Variants in NSUN6 observed in about 807,000 individuals in gnomAD.
NSUN6 encodes tRNA (cytosine(72)-C(5))-methyltransferase NSUN6.
Under a neutral mutation model 58.0 loss-of-function variants are expected in NSUN6, and 64 were observed. The observed-to-expected ratio is 1.10, with a 90% confidence interval of 0.90 to 1.36. The LOEUF is 1.36. NSUN6 is among the 40% of genes most tolerant of loss of function. The pLI is 0.00. For synonymous variants in NSUN6, 231 were observed against 193.9 expected, an observed-to-expected ratio of 1.19 and a Z score of -1.59; for missense variants, 701 against 550.1, an observed-to-expected ratio of 1.27 and a Z score of -2.74.
At position 18,587,138 on chromosome 10, in the gene NSUN6, T is replaced by C. The variant is rs2057186130; in HGVS notation, c.778-1045A>G. The stretch of plus-strand genomic sequence containing the variant: ...CAACAAAACTCAACACCAAAAGTAT[T>C]TGCAATCTTCGAAAGACACTTAAAA... On this transcript the variant is annotated intron_variant, in intron 7 of 10. Transcript: ENST00000377304. Among the ~76,000 whole-genome samples the C allele has an allele frequency of 2.0e-5, 3 of 152,190 alleles. No individual in the cohort carries two copies. The South Asian group carries it at 6.2e-4, about 32-fold the overall frequency.
intron 5 of NSUN6, among the ~76,000 whole-genome samples, chr10:18,612,276 A>T (rs2058264534): frequency 6.6e-6 from 1 of 152,096 alleles, no homozygotes; most frequent in Non-Finnish European, 1.5e-5. Context: ...TTAAAATATC[A>T]GCTGATCATG....
At position 18,546,035 on chromosome 10, in the gene NSUN6, C is replaced by A; in HGVS notation, c.1308G>T (p.Met436Ile). ...CTCTTCTGGCCTCTCTAAGAGAGTCCATGTCAGTGTCCGGTAATGGCACAG... is the reference window on the plus strand; with the variant it reads ...CTCTTCTGGCCTCTCTAAGAGAGTCAATGTCAGTGTCCGGTAATGGCACAG... Reference protein sequence around the residue: ...PSAVPLPDTDMDSLREARRED... With the variant: ...PSAVPLPDTDIDSLREARRED... Residue 436 changes from methionine to isoleucine, a missense_variant, in exon 11 of 11, where the codon ATG (methionine) becomes ATT (isoleucine). By Grantham distance (10) the Met-to-Ile change is conservative. Coordinates refer to ENST00000377304, the MANE Select transcript of NSUN6 (RefSeq NM_182543.5). 6.2e-7 allele frequency: 1 copy of A among 1,600,298 alleles called. No individual in the cohort carries two copies. The highest frequency in any genetic ancestry group is 1.8e-5 in the Admixed American group (1 of 56,670).
intron 8 of NSUN6, among the ~76,000 whole-genome samples, chr10:18,580,964 A>C (rs1741025946): frequency 6.6e-6 from 1 of 152,206 alleles, no homozygotes; most frequent in African/African-American, 2.4e-5. Context: ...TAAATGAAAG[A>C]AAGTAAAGTA....
intron 3 of NSUN6, among the ~76,000 whole-genome samples, chr10:18,638,964 A>AC (rs1378144077): frequency 4.6e-5 from 7 of 151,072 alleles, no homozygotes; most frequent in African/African-American, 1.5e-4. Context: ...AAAAAAAAAA[A>AC]AAAAAACTGG....
intron 3 of NSUN6, among the ~76,000 whole-genome samples, chr10:18,636,208 C>T (rs2059209310): frequency 1.3e-5 from 2 of 151,732 alleles, no homozygotes; most frequent in South Asian, 2.1e-4. Context: ...GCAGGGGGTG[C>T]GGGAGATCTG....
At chr10:18,584,187 G>A (rs1296206931) in intron 8 of NSUN6, among the ~76,000 whole-genome samples, 3 of 152,182 alleles carry the variant, frequency 2.0e-5, no homozygotes, top group Non-Finnish European at 2.9e-5. Context: ...TCGAAATCAT[G>A]CCTGCTTGGC....
At chr10:18,633,941 C>G (rs1234860913) in intron 3 of NSUN6, among the ~76,000 whole-genome samples, 3 of 152,226 alleles carry the variant, frequency 2.0e-5, no homozygotes, top group African/African-American at 4.8e-5. Flanking sequence ...ACCAGGACTA[C>G]AGATGAGCCA....
At chr10:18,575,867 CT>C (rs1307106694) in intron 8 of NSUN6, among the ~76,000 whole-genome samples, 1 of 152,198 alleles carries the variant, frequency 6.6e-6, no homozygotes, top group East Asian at 1.9e-4. Flanking sequence ...ACTTTCTCTT[CT>C]CTTAAAACTA....
chr10:18,599,730 C>G (rs2057732027), intron 6 of NSUN6, among the ~76,000 whole-genome samples: 1 of 152,186 alleles, frequency 6.6e-6, no homozygotes, highest in Admixed American at 6.5e-5. Flanking sequence ...TTATTGAATG[C>G]TCCCTAGATT....
At chr10:18,600,445 T>C (rs1440715265) in intron 6 of NSUN6, among the ~76,000 whole-genome samples, 3 of 151,982 alleles carry the variant, frequency 2.0e-5, no homozygotes, top group Non-Finnish European at 2.9e-5. Context: ...GGCAACATAG[T>C]GAGACCTCAT....
intron 3 of NSUN6, among the ~76,000 whole-genome samples, chr10:18,632,153 G>A (rs2059054114): frequency 6.6e-6 from 1 of 151,970 alleles, no homozygotes; most frequent in African/African-American, 2.4e-5. Context: ...AAGCAATGGG[G>A]AAAGGATTCC....
At chr10:18,655,185 G>A (rs1158617633), upstream of NSUN6, 4 of 975,948 alleles carry the variant, frequency 4.1e-6, no homozygotes, top group African/African-American at 7.0e-5. Context: ...CCTAAGAAAG[G>A]AACAAACAAC....
chr10:18,569,348 C>G (rs991868928), intron 8 of NSUN6, among the ~76,000 whole-genome samples: 8 of 151,184 alleles, frequency 5.3e-5, no homozygotes, highest in African/African-American at 1.9e-4. Flanking sequence ...ATTCCATTTT[C>G]CATTCCATTG....
At position 18,552,604 on chromosome 10, in the gene NSUN6, T is replaced by G. The variant is rs935398470; in HGVS notation, c.923-633A>C. 3.3e-5 allele frequency among the ~76,000 whole-genome samples: 5 copies of G among 151,786 alleles called. No homozygotes were observed. In the South Asian group the frequency reaches 6.2e-4, roughly 19 times the overall value. On this transcript the variant is annotated intron_variant, in intron 8 of 10. Coordinates refer to ENST00000377304, the MANE Select transcript of NSUN6 (RefSeq NM_182543.5). ...TTGGGCTGTCTACCTGCTACCAAGA[T>G]TTCCATTCCATTCCGCATTCCATTT...
At chr10:18,552,074 A>G (rs889858041) in intron 8 of NSUN6, 103 bp from the exon 9 acceptor site, 8 of 706,596 alleles carry the variant, frequency 1.1e-5, no homozygotes, top group African/African-American at 7.2e-5. Flanking sequence ...AGAATAAAAA[A>G]ATGAAACAAT....
At chr10:18,614,318 G>C (rs934992679) in intron 5 of NSUN6, 142 bp downstream of exon 5, 2 of 412,726 alleles carry the variant, frequency 4.8e-6, no homozygotes, top group Non-Finnish European at 8.3e-6. Flanking sequence ...TGGAAATATG[G>C]GTTTAAACAA....
In NSUN6 at chr10:18,599,723, T is replaced by C. The variant is rs1414659552; in HGVS notation, c.658-3396A>G. 3.3e-5 allele frequency among the ~76,000 whole-genome samples: 5 copies of C among 152,186 alleles called. 1 individual carries two copies. The highest frequency in any genetic ancestry group is 4.1e-4 in the South Asian group (2 of 4,830). ...TGGTAGGGCCAGGCAGGAGTATTTATTGAATGCTCCCTAGATTGTCCAACC... is the reference window on the plus strand; with the variant it reads ...TGGTAGGGCCAGGCAGGAGTATTTACTGAATGCTCCCTAGATTGTCCAACC... On this transcript the variant is annotated intron_variant, in intron 6 of 10. Coordinates refer to ENST00000377304, the MANE Select transcript of NSUN6 (RefSeq NM_182543.5).
chr10:18,587,944 A>T (rs1351437944), intron 7 of NSUN6, among the ~76,000 whole-genome samples: 1 of 152,106 alleles, frequency 6.6e-6, no homozygotes. Flanking sequence ...CTCCCCTGGA[A>T]AGGGGGCTAA....
At chr10:18,577,904 G>C (rs1015450632) in intron 8 of NSUN6, among the ~76,000 whole-genome samples, 1 of 152,288 alleles carries the variant, frequency 6.6e-6, no homozygotes, top group Middle Eastern at 3.4e-3. Context: ...TCTAACCCTA[G>C]CCAATAGGGG....
Sources: allele counts gnomAD v4.1 joint callset (sites outside exome capture counted in the v4.1 genomes callset), GRCh38; gene constraint gnomAD v4.1.1; transcripts MANE v1.5; gene names NCBI Gene and HGNC (gene_info 2026-07-23, HGNC 2026-07-21).